Variants in GALNTL6 observed in about 807,000 individuals in gnomAD.
The protein encoded by GALNTL6 is polypeptide N-acetylgalactosaminyltransferase like 6.
In GALNTL6, 46 loss-of-function variants were observed where a neutral mutation model predicts 73.7. That is an observed-to-expected ratio of 0.62 (90% CI 0.49 to 0.80). The LOEUF is 0.80. Among genes scored for constraint, GALNTL6 ranks in the 30% least tolerant of loss-of-function variants. The pLI is 0.00. For synonymous variants in GALNTL6, 259 were observed against 263.7 expected (o/e 0.98, Z 0.17); for missense variants, 604 against 755.0 (o/e 0.80, Z 2.34).
chr4:172,787,937 A>G (rs1560952605), intron 5 of GALNTL6, among the ~76,000 whole-genome samples: 1 of 152,238 alleles, frequency 6.6e-6, no homozygotes, highest in Non-Finnish European at 1.5e-5. Context: ...CAATAATTTT[A>G]GAGACAATAG....
At chr4:171,956,015 G>A (rs1739036852) in intron 2 of GALNTL6, among the ~76,000 whole-genome samples, 1 of 150,394 alleles carries the variant, frequency 6.6e-6, no homozygotes, top group East Asian at 1.9e-4. Flanking sequence ...TGTGTGTGTG[G>A]GACAGGGCCT....
chr4:172,265,163 G>T (rs1039946555), intron 3 of GALNTL6, among the ~76,000 whole-genome samples: 5 of 152,100 alleles, frequency 3.3e-5, no homozygotes, highest in Admixed American at 3.3e-4. Flanking sequence ...AGTTGAGAAG[G>T]GGATGGTAAT....
At chr4:172,443,537 G>C (rs1579076255) in intron 5 of GALNTL6, among the ~76,000 whole-genome samples, 2 of 151,890 alleles carry the variant, frequency 1.3e-5, no homozygotes, top group Admixed American at 6.6e-5. Context: ...TCCTGTTCTT[G>C]GCTTTCTTGT....
chr4:171,938,906 T>A (rs1349890919), intron 2 of GALNTL6, among the ~76,000 whole-genome samples: 1 of 152,152 alleles, frequency 6.6e-6, no homozygotes, highest in South Asian at 2.1e-4. Flanking sequence ...TAGCATTTTT[T>A]AACCAAGGTT....
At chr4:172,129,704 C>A (rs1411422782) in intron 2 of GALNTL6, among the ~76,000 whole-genome samples, 1 of 152,076 alleles carries the variant, frequency 6.6e-6, no homozygotes, top group Non-Finnish European at 1.5e-5. Context: ...AGAGACATGC[C>A]TCACAGAGAG....
At chr4:172,539,556 A>G (rs947789626) in intron 5 of GALNTL6, among the ~76,000 whole-genome samples, 12 of 152,090 alleles carry the variant, frequency 7.9e-5, no homozygotes, top group African/African-American at 2.9e-4. Context: ...GGGGAATGGA[A>G]TGCATAGCTG....
At chr4:172,959,360 G>T (rs540449102) in intron 10 of GALNTL6, among the ~76,000 whole-genome samples, 1 of 152,204 alleles carries the variant, frequency 6.6e-6, no homozygotes, top group South Asian at 2.1e-4. Context: ...GAGCTGGGCA[G>T]GTGGGGATAA....
chr4:172,762,399 AG>A (rs1738161744), intron 5 of GALNTL6, among the ~76,000 whole-genome samples: 1 of 151,956 alleles, frequency 6.6e-6, no homozygotes, highest in Non-Finnish European at 1.5e-5. Flanking sequence ...ATGCTAGTGA[AG>A]GGGGATCAAA....
intron 2 of GALNTL6, among the ~76,000 whole-genome samples, chr4:171,988,507 C>T (rs1274193227): frequency 6.6e-6 from 1 of 152,068 alleles, no homozygotes; most frequent in East Asian, 1.9e-4. Context: ...GTAAAGAAAG[C>T]ATGTTTGAGA....
intron 2 of GALNTL6, among the ~76,000 whole-genome samples, chr4:171,889,753 G>C (rs1736709675): frequency 6.6e-6 from 1 of 151,970 alleles, no homozygotes; most frequent in South Asian, 2.1e-4. Flanking sequence ...TATTAACAAG[G>C]TGAAAAAAAT....
intron 3 of GALNTL6, among the ~76,000 whole-genome samples, chr4:172,250,172 C>T (rs1253403427): frequency 1.3e-5 from 2 of 152,186 alleles, no homozygotes; most frequent in African/African-American, 2.4e-5. Context: ...TCAGTATGAC[C>T]TTACATCAGT....
chr4:172,556,440 CAAAT>C (rs1204658043), intron 5 of GALNTL6, among the ~76,000 whole-genome samples: 1 of 150,832 alleles, frequency 6.6e-6, no homozygotes, highest in African/African-American at 2.5e-5. Context: ...CCCAATTTAG[CAAAT>C]AAATAAACAA....
intron 5 of GALNTL6, among the ~76,000 whole-genome samples, chr4:172,753,848 CA>C (rs986810155): frequency 1.8e-4 from 27 of 148,548 alleles, no homozygotes; most frequent in Middle Eastern, 3.4e-3. Context: ...TTGCTTGGTT[CA>C]AAAAAAAAAT....
chr4:172,996,525 C>T (rs1201854020), intron 10 of GALNTL6, among the ~76,000 whole-genome samples: 1 of 152,048 alleles, frequency 6.6e-6, no homozygotes, highest in Admixed American at 6.6e-5. Context: ...TGCACATGGA[C>T]CCCTGAACCT....
Position 171,884,390 on chromosome 4 carries a change from A to G in GALNTL6, c.138+69672A>G, listed in dbSNP as rs537770840. On this transcript the variant is annotated intron_variant, in intron 2 of 12. Transcript: ENST00000506823. ...TGCATTAACTCATTTGTTCTTCAAAATAATCTAATGTAGTAGATAATATTA... is the reference window on the plus strand; with the variant it reads ...TGCATTAACTCATTTGTTCTTCAAAGTAATCTAATGTAGTAGATAATATTA... Among the ~76,000 whole-genome samples the G allele has an allele frequency of 2.6e-5, 4 of 152,322 alleles. No homozygotes were observed. The South Asian group carries it at 6.2e-4, about 24-fold the overall frequency.
At chr4:172,282,666 CAAA>C (rs202167171) in intron 3 of GALNTL6, among the ~76,000 whole-genome samples, 4 of 123,518 alleles carry the variant, frequency 3.2e-5, no homozygotes, top group Non-Finnish European at 3.6e-5. Context: ...TGAAATGGGG[CAAA>C]AAAAAAAAAA....
chr4:171,828,077 G>T (rs561426001), intron 2 of GALNTL6, among the ~76,000 whole-genome samples: 3 of 152,236 alleles, frequency 2.0e-5, no homozygotes. Context: ...TACACTTACA[G>T]ACCATACCTG....
At chr4:172,423,911 C>G (rs765396589) in intron 5 of GALNTL6, among the ~76,000 whole-genome samples, 6 of 152,060 alleles carry the variant, frequency 3.9e-5, no homozygotes, top group Non-Finnish European at 8.8e-5. Flanking sequence ...GCAAGATACT[C>G]TATATCCGTA....
At chr4:172,699,140 G>C (rs1050203726) in intron 5 of GALNTL6, among the ~76,000 whole-genome samples, 1 of 152,046 alleles carries the variant, frequency 6.6e-6, no homozygotes, top group African/African-American at 2.4e-5. Context: ...CCTTCATGAG[G>C]ATCTTAATCT....
Sources: gnomAD v4.1 joint callset for allele counts (sites outside exome capture counted in the v4.1 genomes callset) on GRCh38, gnomAD v4.1.1 for gene constraint, MANE v1.5 for transcripts, NCBI Gene and HGNC (gene_info 2026-07-23, HGNC 2026-07-21) for gene names.